The following CDH12 variants were observed in gnomAD, a reference collection of about 807,000 sequenced individuals.
The protein encoded by CDH12 is cadherin 12, also known as cadherin-12.
Under a neutral mutation model 74.1 loss-of-function variants are expected in CDH12, and 41 were observed. The ratio of observed to expected loss-of-function variants is 0.55; its 90% CI spans 0.43 to 0.72. The LOEUF (loss-of-function observed/expected upper bound fraction) is 0.72. CDH12 is among the 30% of genes least tolerant of loss of function. The pLI, the probability that CDH12 is intolerant of heterozygous loss-of-function variation, is 0.00. For missense variants in CDH12, 945 were observed against 977.2 expected (o/e 0.97, Z 0.44); for synonymous variants, 399 against 355.0 (o/e 1.12, Z -1.39).
intron 3 of CDH12, among the ~76,000 whole-genome samples, chr5:22,312,586 A>C (rs1738440374): frequency 6.6e-6 from 1 of 152,222 alleles, no homozygotes; most frequent in Admixed American, 6.5e-5. Flanking sequence ...GATAATAATA[A>C]GGAACTTAGA....
chr5:22,699,801 T>G (rs2126957818), intron 1 of CDH12, among the ~76,000 whole-genome samples: 1 of 152,318 alleles, frequency 6.6e-6, no homozygotes, highest in South Asian at 2.1e-4. Context: ...GAAGATTGCC[T>G]AATGAGCTAA....
intron 4 of CDH12, among the ~76,000 whole-genome samples, chr5:22,183,382 C>T (rs982721817): frequency 6.6e-6 from 1 of 151,946 alleles, no homozygotes; most frequent in African/African-American, 2.4e-5. Flanking sequence ...GTGCATGGGA[C>T]AGAAAAGAAT....
intron 1 of CDH12, among the ~76,000 whole-genome samples, chr5:22,698,728 TA>T (rs1742545919): frequency 1.3e-4 from 2 of 15,116 alleles, no homozygotes; most frequent in Non-Finnish European, 2.6e-4. Flanking sequence ...TATATATATA[TA>T]TATATAGTGT....
At chr5:22,150,175 A>C (rs1747473266) in intron 4 of CDH12, among the ~76,000 whole-genome samples, 1 of 152,036 alleles carries the variant, frequency 6.6e-6, no homozygotes, top group Admixed American at 6.6e-5. Context: ...ATTCTGTAGA[A>C]AAGTTTTGGT....
At chr5:22,494,901 C>A (rs757647181) in intron 2 of CDH12, among the ~76,000 whole-genome samples, 1 of 152,096 alleles carries the variant, frequency 6.6e-6, no homozygotes, top group Non-Finnish European at 1.5e-5. Context: ...TACATTCATG[C>A]GTACCTTTAA....
In CDH12 at chr5:22,037,894, C is replaced by A. The variant is rs62349094; in HGVS notation, c.231+40552G>T. On this transcript the variant is annotated intron_variant, in intron 5 of 14. Coordinates refer to ENST00000382254, the MANE Select transcript of CDH12 (RefSeq NM_004061.5). ...TCCATGGCCTCCACCACCTCATTCC[C>A]GAGTCAGGATCAGCTCAAAACCAAG... Among the ~76,000 whole-genome samples, 980 of 152,196 alleles carry A rather than the reference C, an allele frequency of 6.4e-3. 2 individuals are homozygous for A. The highest frequency in any genetic ancestry group is 0.011 in the Non-Finnish European group (780 of 67,996).
At chr5:22,163,010 C>T (rs1279966516) in intron 4 of CDH12, among the ~76,000 whole-genome samples, 8 of 151,602 alleles carry the variant, frequency 5.3e-5, no homozygotes, top group Non-Finnish European at 1.5e-5. Context: ...CATTCTCCTG[C>T]CTCAGCCTCC....
At chr5:22,406,521 A>C (rs1233566845) in intron 2 of CDH12, among the ~76,000 whole-genome samples, 1 of 152,196 alleles carries the variant, frequency 6.6e-6, no homozygotes, top group Non-Finnish European at 1.5e-5. Flanking sequence ...ACCGTCTCTC[A>C]AAATATGACT....
chr5:22,316,450 A>ATTTTATT (rs1487833881), intron 3 of CDH12, among the ~76,000 whole-genome samples: 4 of 152,156 alleles, frequency 2.6e-5, no homozygotes, highest in Non-Finnish European at 5.9e-5. Context: ...TAATGCCAAT[A>ATTTTATT]TTATTTTATT....
chr5:22,504,558 A>C (rs1261390565), intron 2 of CDH12, among the ~76,000 whole-genome samples: 1 of 152,076 alleles, frequency 6.6e-6, no homozygotes, highest in African/African-American at 2.4e-5. Flanking sequence ...AGAACTGAGA[A>C]TATAAAGCTT....
chr5:22,764,718 GAAC>G (rs1475901180), intron 1 of CDH12, among the ~76,000 whole-genome samples: 2 of 152,132 alleles, frequency 1.3e-5, no homozygotes, highest in Admixed American at 6.5e-5. Context: ...CTCAAAAGGA[GAAC>G]AACATCACTT....
intron 1 of CDH12, among the ~76,000 whole-genome samples, chr5:22,609,770 C>T (rs1402498832): frequency 2.0e-5 from 3 of 152,142 alleles, no homozygotes; most frequent in Admixed American, 6.5e-5. Context: ...CTTAAGTCTT[C>T]GGTAAAGTGT....
At chr5:22,291,528 G>C (rs1580488573) in intron 3 of CDH12, among the ~76,000 whole-genome samples, 1 of 152,086 alleles carries the variant, frequency 6.6e-6, no homozygotes, top group South Asian at 2.1e-4. Context: ...AAAATCAACA[G>C]ATAAAAATCA....
At chr5:21,929,959 G>A (rs1260520234) in intron 6 of CDH12, among the ~76,000 whole-genome samples, 1 of 152,102 alleles carries the variant, frequency 6.6e-6, no homozygotes. Context: ...TTCTACCATG[G>A]TTCACTCATT....
At chr5:21,953,576 G>C (rs1284575638) in intron 6 of CDH12, among the ~76,000 whole-genome samples, 1 of 152,172 alleles carries the variant, frequency 6.6e-6, no homozygotes, top group Middle Eastern at 3.2e-3. Context: ...ACTGGTGCTA[G>C]AATGAGGATG....
At chr5:21,998,170 T>G (rs1167986664) in intron 5 of CDH12, among the ~76,000 whole-genome samples, 1 of 152,002 alleles carries the variant, frequency 6.6e-6, no homozygotes, top group African/African-American at 2.4e-5. Flanking sequence ...ATTTTTCCCT[T>G]CCTTGGCTCT....
chr5:22,220,416 A>G (rs1242191588), intron 3 of CDH12, among the ~76,000 whole-genome samples: 10 of 151,708 alleles, frequency 6.6e-5, no homozygotes, highest in Non-Finnish European at 8.9e-5. Context: ...TTTGACATAT[A>G]AATTTTCACA....
At chr5:22,511,647 A>G (rs893867452) in intron 1 of CDH12, among the ~76,000 whole-genome samples, 1 of 152,228 alleles carries the variant, frequency 6.6e-6, no homozygotes, top group African/African-American at 2.4e-5. Context: ...GGTAATCCAC[A>G]TGGACACAAC....
chr5:22,617,532 T>C (rs1737752603), intron 1 of CDH12, among the ~76,000 whole-genome samples: 1 of 152,130 alleles, frequency 6.6e-6, no homozygotes, highest in Non-Finnish European at 1.5e-5. Flanking sequence ...GGATTCAAAG[T>C]CTGTCCATTA....
Sources: allele counts gnomAD v4.1 joint callset (sites outside exome capture counted in the v4.1 genomes callset), GRCh38; gene constraint gnomAD v4.1.1; transcripts MANE v1.5; gene names NCBI Gene and HGNC (gene_info 2026-07-23, HGNC 2026-07-21).